SPATA6: variants seen among roughly 807,000 people sequenced by gnomAD.
SPATA6 encodes the protein spermatogenesis associated 6.
Under a neutral mutation model 65.3 loss-of-function variants are expected in SPATA6, and 56 were observed. That is an observed-to-expected ratio of 0.86 (90% CI 0.69 to 1.07). The LOEUF (loss-of-function observed/expected upper bound fraction) is 1.07, where lower values mean the gene tolerates loss of function less well. SPATA6 is among the 50% of genes least tolerant of loss of function. The pLI, the probability that SPATA6 is intolerant of heterozygous loss-of-function variation, is 0.00. For missense variants in SPATA6, 590 were observed against 594.8 expected (o/e 0.99, Z 0.08); for synonymous variants, 199 against 213.2 (o/e 0.93, Z 0.58).
At chr1:48,317,239 C>T (rs547140759) in intron 11 of SPATA6, among the ~76,000 whole-genome samples, 3 of 152,142 alleles carry the variant, frequency 2.0e-5, no homozygotes, top group South Asian at 2.1e-4. Context: ...ATATGTTTAT[C>T]GCGGCATTAT....
At chr1:48,357,892 A>G (rs1401673515) in intron 10 of SPATA6, among the ~76,000 whole-genome samples, 28 of 152,200 alleles carry the variant, frequency 1.8e-4, no homozygotes, top group Admixed American at 1.8e-3. Context: ...GTATACCAAC[A>G]GAATGTTAAT....
intron 9 of SPATA6, among the ~76,000 whole-genome samples, chr1:48,374,511 G>A (rs1385615539): frequency 2.6e-5 from 4 of 152,174 alleles, no homozygotes; most frequent in African/African-American, 9.7e-5. Context: ...ACATTCTCAT[G>A]AGTTCCTCAA....
At chr1:48,289,463 C>A in the SPATA6 span, among the ~76,000 whole-genome samples, 1 of 152,194 alleles carries the variant, frequency 6.6e-6, no homozygotes, top group African/African-American at 2.4e-5. Flanking sequence ...GAATGCAGCT[C>A]CTCACCAGCA....
chr1:48,296,605 A>G lies in SPATA6; in HGVS notation c.*2108T>C, dbSNP rs1644816946. 6.6e-6 allele frequency: 1 copy of G among 152,200 alleles called. No homozygotes were observed. The highest frequency in any genetic ancestry group is 2.1e-4 in the South Asian group (1 of 4,838). 9.4% of individuals were successfully genotyped at this position (152,200 alleles called of 1,614,324 possible). ...TCTTTTCACCAAACAGCAACTCTTA[A>G]AAGAATTTTCACTTATTTTTCCATG... is the stretch of plus-strand genomic sequence containing the variant. On this transcript the variant is annotated 3_prime_UTR_variant, in exon 13 of 13. Transcript: ENST00000371847.
At chr1:48,442,571 C>G (rs1032578616) in intron 3 of SPATA6, among the ~76,000 whole-genome samples, 3 of 147,272 alleles carry the variant, frequency 2.0e-5, no homozygotes, top group African/African-American at 7.6e-5. Context: ...GAGGAAGAGA[C>G]AGAGACAAAG....
the SPATA6 span, among the ~76,000 whole-genome samples, chr1:48,271,246 G>A: frequency 1.3e-5 from 2 of 152,050 alleles, no homozygotes; most frequent in Non-Finnish European, 2.9e-5. Flanking sequence ...TTAGTCACCT[G>A]AGCTCCATGT....
At chr1:48,291,375 C>T (rs541111746), downstream of SPATA6, among the ~76,000 whole-genome samples, 4 of 152,262 alleles carry the variant, frequency 2.6e-5, no homozygotes, top group African/African-American at 9.6e-5. Flanking sequence ...AGGCTGAGTT[C>T]AGACTCTCCT....
intron 9 of SPATA6, among the ~76,000 whole-genome samples, chr1:48,361,372 C>T (rs1646807655): frequency 6.6e-6 from 1 of 151,924 alleles, no homozygotes; most frequent in Admixed American, 6.6e-5. Context: ...CTTGATAGGT[C>T]AAGTTAGAAA....
chr1:48,340,620 T>C (rs572836855), intron 11 of SPATA6, among the ~76,000 whole-genome samples: 69 of 151,848 alleles, frequency 4.5e-4, no homozygotes, highest in African/African-American at 1.6e-3. Context: ...AACTATCTTA[T>C]TGTCAAATAA....
intron 3 of SPATA6, among the ~76,000 whole-genome samples, chr1:48,421,354 G>T (rs191766853): frequency 6.8e-6 from 1 of 148,030 alleles, no homozygotes; most frequent in Non-Finnish European, 1.5e-5. Flanking sequence ...AATAAAACTT[G>T]AAAAAAAAAG....
At chr1:48,400,930 A>G in intron 6 of SPATA6, 1 of 693,950 alleles carries the variant, frequency 1.4e-6, no homozygotes, top group Non-Finnish European at 2.0e-6. Flanking sequence ...ACAGAAGCAA[A>G]GAATGTCAGC....
Position 48,340,196 on chromosome 1 carries a change from A to T in SPATA6, c.1194+15474T>A, listed in dbSNP as rs1225131571. On this transcript the variant is annotated intron_variant, in intron 11 of 12. Coordinates refer to ENST00000371847, the MANE Select transcript of SPATA6 (RefSeq NM_019073.4). ...ATTACTCACAAATTTAGTAGATACT[A>T]AAGACAATTAAAGATGACAAAAATT... 2.7e-5 allele frequency among the ~76,000 whole-genome samples: 4 copies of T among 149,436 alleles called. No homozygotes were observed. In the East Asian group the frequency reaches 7.9e-4, roughly 29 times the overall value.
intron 9 of SPATA6, among the ~76,000 whole-genome samples, chr1:48,385,019 T>TA (rs1249262140): frequency 6.6e-6 from 1 of 152,184 alleles, no homozygotes; most frequent in Non-Finnish European, 1.5e-5. Context: ...TGTAAGGTAT[T>TA]ACTGAATATA....
At chr1:48,465,205 A>G (rs1038347937) in intron 1 of SPATA6, among the ~76,000 whole-genome samples, 10 of 152,182 alleles carry the variant, frequency 6.6e-5, no homozygotes, top group African/African-American at 2.4e-4. Flanking sequence ...TCTAGGATCC[A>G]AGATTGGAGT....
chr1:48,400,189 T>G (rs1249271474), intron 6 of SPATA6, among the ~76,000 whole-genome samples: 1 of 151,874 alleles, frequency 6.6e-6, no homozygotes, highest in African/African-American at 2.4e-5. Context: ...AATGTGTTAT[T>G]TGGATTGTAA....
intron 3 of SPATA6, among the ~76,000 whole-genome samples, chr1:48,417,386 AG>A (rs1652873086): frequency 6.6e-6 from 1 of 152,234 alleles, no homozygotes; most frequent in Non-Finnish European, 1.5e-5. Flanking sequence ...GACACAGAAA[AG>A]TATCTACATT....
intron 12 of SPATA6, among the ~76,000 whole-genome samples, chr1:48,303,795 A>G (rs983163697): frequency 6.6e-6 from 1 of 152,150 alleles, no homozygotes; most frequent in Non-Finnish European, 1.5e-5. Flanking sequence ...TTTTCTTGAT[A>G]AATGCTTCTC....
At position 48,297,981 on chromosome 1, in the gene SPATA6, T is replaced by C. The variant is rs953534928; in HGVS notation, c.*732A>G. On this transcript the variant is annotated 3_prime_UTR_variant, in exon 13 of 13. Transcript: ENST00000371847. ...ACTAACAGAGGCCATTTTCTGATTC[T>C]GGTTGCACCAAAAGGTATGGCCCTA... is the stretch of plus-strand genomic sequence containing the variant. The C allele has an allele frequency of 6.6e-6, 1 of 152,212 alleles. No individual in the cohort carries two copies. Among genetic ancestry groups the C allele is most frequent in the African/African-American group, 2.4e-5 (1 of 41,472 alleles). The allele number at this position is 152,212 out of a possible 1,614,324, so 9.4% of individuals were successfully genotyped here. A position where few individuals can be genotyped will look rare whatever the true frequency, so the allele number is the denominator to read the frequency against.
chr1:48,310,708 A>T (rs953269220), intron 11 of SPATA6, among the ~76,000 whole-genome samples: 46 of 152,198 alleles, frequency 3.0e-4, no homozygotes, highest in African/African-American at 1.0e-3. Flanking sequence ...TAAATGGAAG[A>T]CCTAAACAAC....
Sources: gnomAD v4.1 joint callset for allele counts (sites outside exome capture counted in the v4.1 genomes callset) on GRCh38, gnomAD v4.1.1 for gene constraint, MANE v1.5 for transcripts, NCBI Gene and HGNC (gene_info 2026-07-23, HGNC 2026-07-21) for gene names.